Variants in PKP2 observed in about 807,000 individuals in gnomAD.
PKP2 encodes the protein plakophilin 2.
In PKP2, 73 loss-of-function variants were observed where a neutral mutation model predicts 83.4. The ratio of observed to expected loss-of-function variants is 0.88; its 90% confidence interval spans 0.72 to 1.06. PKP2 has a LOEUF of 1.06. PKP2 is among the 50% of genes least tolerant of loss of function. PKP2 has a pLI of 0.00. For synonymous variants in PKP2, 409 were observed against 430.4 expected (o/e 0.95, Z 0.62); for missense variants, 966 against 1,065.4 (o/e 0.91, Z 1.30).
rs764193250 is a variant in PKP2 at position 32,824,140 on chromosome 12, C to T, written c.1579G>A (p.Asp527Asn). 16 of 1,612,368 alleles carry T rather than the reference C, an allele frequency of 9.9e-6. No individual in the cohort carries two copies. The highest frequency in any genetic ancestry group is 1.4e-5 in the Non-Finnish European group (16 of 1,178,784). Reference protein sequence around the residue: ...CLRNMSSAGADGRKAMRRCDG... With the variant: ...CLRNMSSAGANGRKAMRRCDG... ...CATCTTCTCATCGCTTTTCTCCCAT[C>T]AGCGCCAGCAGAACTCATGTTTCTA... Residue 527 changes from aspartate to asparagine, a missense_variant, in exon 7 of 13, where the codon GAT (aspartate) becomes AAT (asparagine). By Grantham distance (23) the Asp-to-Asn change is conservative. Transcript: ENST00000340811.
In PKP2 at chr12:32,822,590, G is replaced by T. The variant is rs1486464304; in HGVS notation, c.1716C>A (p.Tyr572Ter). 2 of 1,613,966 alleles carry T rather than the reference G, an allele frequency of 1.2e-6. No homozygotes were observed. The highest frequency in any genetic ancestry group is 1.7e-6 in the Non-Finnish European group (2 of 1,179,954). Reference sequence around the variant, plus strand: ...TCTCTGGGAGCTCTGCCTCCAGCTGGTAGGAGAGGTTATGAAGAATGCACA... The same window carrying T: ...TCTCTGGGAGCTCTGCCTCCAGCTGTTAGGAGAGGTTATGAAGAATGCACA... ...NCVCILHNLSYQLEAELPEKY... is the reference protein window; with the variant it reads ...NCVCILHNLS The change falls in exon 8 of 13, where the codon TAC becomes TAA. Residue 572 changes from tyrosine (Y) to a stop codon, truncating the protein, a stop_gained. Transcript: ENST00000340811. LOFTEE classifies it high-confidence loss of function.
intron 3 of PKP2, 141 bp downstream of exon 3, chr12:32,877,705 C>G: frequency 1.4e-6 from 1 of 731,120 alleles, no homozygotes; most frequent in Non-Finnish European, 2.4e-6. Context: ...AATTAGGCAG[C>G]TGCCTGAAAA....
chr12:32,815,192 T>G (rs1450304495), intron 9 of PKP2, among the ~76,000 whole-genome samples: 1 of 152,180 alleles, frequency 6.6e-6, no homozygotes, highest in East Asian at 1.9e-4. Context: ...TACACCAGAA[T>G]CACCCTTGTA....
At chr12:32,868,822 C>T (rs1592758855) in intron 4 of PKP2, 105 bp downstream of exon 4, 5 of 1,308,430 alleles carry the variant, frequency 3.8e-6, no homozygotes, top group East Asian at 2.3e-5. Flanking sequence ...ACGCACGGTC[C>T]CAATTTTTAA....
intron 4 of PKP2, among the ~76,000 whole-genome samples, chr12:32,859,495 T>C (rs998288753): frequency 6.6e-6 from 1 of 152,020 alleles, no homozygotes; most frequent in Non-Finnish European, 1.5e-5. Flanking sequence ...CTCTCTCTGT[T>C]GCCCAGGCTG....
intron 4 of PKP2, 147 bp downstream of exon 4, chr12:32,868,780 C>T: frequency 2.2e-6 from 2 of 915,096 alleles, no homozygotes; most frequent in Non-Finnish European, 3.5e-6. Flanking sequence ...CCTCGGCCTC[C>T]CAAAGTGCTG....
chr12:32,890,506 G>A (rs545403554), intron 1 of PKP2, among the ~76,000 whole-genome samples: 1 of 152,246 alleles, frequency 6.6e-6, no homozygotes, highest in East Asian at 1.9e-4. Context: ...TAATAGTAAT[G>A]GCAGGTTGTG....
At chr12:32,867,494 CTA>C (rs1956860067) in intron 4 of PKP2, among the ~76,000 whole-genome samples, 1 of 152,242 alleles carries the variant, frequency 6.6e-6, no homozygotes, top group Non-Finnish European at 1.5e-5. Flanking sequence ...CCTGTCAAAA[CTA>C]TGTCAGATTG....
At chr12:32,792,780 T>G in intron 11 of PKP2, 49 bp from the exon 12 acceptor site, 2 of 1,459,316 alleles carry the variant, frequency 1.4e-6, no homozygotes, top group Non-Finnish European at 1.9e-6. Flanking sequence ...GTGAGGCTTC[T>G]GGATGCGGCC....
At chr12:32,855,824 A>G (rs1260220048) in intron 4 of PKP2, among the ~76,000 whole-genome samples, 1 of 150,796 alleles carries the variant, frequency 6.6e-6, no homozygotes, top group African/African-American at 2.4e-5. Context: ...ATTTCTACTC[A>G]TAAACACAGG....
intron 10 of PKP2, 45 bp downstream of exon 10, chr12:32,802,358 T>C (rs777542236): frequency 6.3e-7 from 1 of 1,577,032 alleles, no homozygotes; most frequent in Admixed American, 1.7e-5. Context: ...TTGCATTGTA[T>C]CTTCAGCATG....
chr12:32,867,552 T>C (rs1217091322), intron 4 of PKP2, among the ~76,000 whole-genome samples: 3 of 152,160 alleles, frequency 2.0e-5, no homozygotes, highest in Non-Finnish European at 4.4e-5. Context: ...AACTGATACA[T>C]TTAGACAACA....
chr12:32,841,405 AATAAATAC>A (rs1293896222), intron 5 of PKP2, among the ~76,000 whole-genome samples, 200 bp from the exon 6 acceptor site: 2 of 152,208 alleles, frequency 1.3e-5, no homozygotes, highest in African/African-American at 4.8e-5. Context: ...CCACATGAGC[AATAAATAC>A]ATGGCTTAGG....
intron 9 of PKP2, among the ~76,000 whole-genome samples, chr12:32,811,135 G>A (rs1027220800): frequency 6.6e-6 from 1 of 152,204 alleles, no homozygotes; most frequent in Non-Finnish European, 1.5e-5. Flanking sequence ...AATCAAAAAA[G>A]ATGTCCCTGG....
intron 1 of PKP2, among the ~76,000 whole-genome samples, chr12:32,890,960 A>C (rs1957071328): frequency 6.6e-6 from 1 of 151,870 alleles, no homozygotes. Flanking sequence ...AACAAAAAAA[A>C]AAAAAAAAGA....
At chr12:32,802,280 A>T in intron 10 of PKP2, 123 bp downstream of exon 10, 1 of 990,632 alleles carries the variant, frequency 1.0e-6, no homozygotes, top group Non-Finnish European at 1.6e-6. Context: ...AGGCCGGTTT[A>T]TCACCTACTC....
At chr12:32,855,811 T>G (rs1385307278) in intron 4 of PKP2, among the ~76,000 whole-genome samples, 1 of 137,098 alleles carries the variant, frequency 7.3e-6, no homozygotes, top group East Asian at 2.0e-4. Context: ...AAAATATCTA[T>G]GAATTTCTAC....
At chr12:32,813,427 TA>T (rs1330027696) in intron 9 of PKP2, among the ~76,000 whole-genome samples, 1 of 152,228 alleles carries the variant, frequency 6.6e-6, no homozygotes, top group Non-Finnish European at 1.5e-5. Flanking sequence ...ATGAAACAAA[TA>T]ACTGTCATGT....
At chr12:32,886,732 T>C (rs1341060122) in intron 1 of PKP2, among the ~76,000 whole-genome samples, 8 of 152,174 alleles carry the variant, frequency 5.3e-5, no homozygotes, top group Non-Finnish European at 1.0e-4. Context: ...TGGCTCACAC[T>C]AGCAATCCTA....
Sources: allele counts gnomAD v4.1 joint callset (sites outside exome capture counted in the v4.1 genomes callset), GRCh38; gene constraint gnomAD v4.1.1; transcripts MANE v1.5; gene names NCBI Gene and HGNC (gene_info 2026-07-23, HGNC 2026-07-21).